Variants in ZNF157 observed in about 807,000 individuals in gnomAD.
ZNF157 encodes zinc finger protein 157.
A neutral mutation model predicts 9.4 loss-of-function variants in ZNF157; 8 were observed. The ratio of observed to expected loss-of-function variants is 0.85; its 90% CI spans 0.50 to 1.53. The LOEUF is 1.53. ZNF157 is among the 40% of genes most tolerant of loss of function. The pLI is 0.00. For missense variants in ZNF157, 316 were observed against 385.2 expected (o/e 0.82, Z 1.50); for synonymous variants, 120 against 130.8 (o/e 0.92, Z 0.56).
rs2055974284 is a variant in ZNF157, at chrX:47,413,620, C to T, written c.*26C>T. 2 of 1,164,370 alleles carry T rather than the reference C, an allele frequency of 1.7e-6. No individual in the cohort carries two copies. Among genetic ancestry groups the T allele is most frequent in the Non-Finnish European group, 2.3e-6 (2 of 873,424 alleles). On this transcript the variant is annotated 3_prime_UTR_variant, in exon 4 of 4. Coordinates refer to ENST00000377073, the MANE Select transcript of ZNF157 (RefSeq NM_003446.4). ...AGACTTCCCTCACCATTGGATCAAG[C>T]TCCTTGGGGGCATATGATCACCAGG...
At chrX:47,382,470 C>T (rs145364676) in intron 1 of ZNF157, among the ~76,000 whole-genome samples, 1,230 of 106,154 alleles carry the variant, frequency 0.012, 17 homozygotes, top group African/African-American at 0.04. Flanking sequence ...CCGCCCACCT[C>T]GGCCTCCCAA....
intron 1 of ZNF157, among the ~76,000 whole-genome samples, chrX:47,404,009 A>G (rs1442084511): frequency 3.6e-5 from 4 of 110,078 alleles, no homozygotes; most frequent in Admixed American, 2.9e-4. Context: ...GTCTCTACTA[A>G]AAATACAAAA....
At chrX:47,406,944 AT>A (rs1485272588) in intron 1 of ZNF157, among the ~76,000 whole-genome samples, 1 of 112,264 alleles carries the variant, frequency 8.9e-6, no homozygotes, top group East Asian at 2.8e-4. Flanking sequence ...TAGGGAAAGC[AT>A]TCAGTCTTTT....
At position 47,370,749 on chromosome X, in the gene ZNF157, G is replaced by A. The variant is rs781434883; in HGVS notation, c.72+9G>A. The A allele has an allele frequency of 8.5e-7, 1 of 1,174,984 alleles. No individual in the cohort carries two copies. Among genetic ancestry groups the A allele is most frequent in the East Asian group, 3.0e-5 (1 of 32,982 alleles). On this transcript the variant is annotated intron_variant, in intron 1 of 3. Coordinates refer to ENST00000377073, the MANE Select transcript of ZNF157 (RefSeq NM_003446.4). ...CTGGCAGATCTTTTGAGGTAAGGAG[G>A]AGGATCCTATTTTTTTCTATATGTT...
At chrX:47,383,684 G>GAA (rs11324804) in intron 1 of ZNF157, among the ~76,000 whole-genome samples, 143 of 41,220 alleles carry the variant, frequency 3.5e-3, no homozygotes, top group East Asian at 6.3e-3. Context: ...CTCTGTCTCA[G>GAA]AAAAAAAAAA....
At position 47,413,100 on chromosome X, in the gene ZNF157, A is replaced by G; in HGVS notation, c.1027A>G (p.Met343Val). ...ATGTGGGAAATTCTTCCGAATGAAGATGACTCTCAATAATCATCAAAGAAC... is the reference window on the plus strand; with the variant it reads ...ATGTGGGAAATTCTTCCGAATGAAGGTGACTCTCAATAATCATCAAAGAAC... The part of the protein sequence containing the change: ...GECGKFFRMK[M>V]TLNNHQRTHT... Residue 343 changes from methionine to valine, a missense_variant, in exon 4 of 4, where the codon ATG becomes GTG. Transcript: ENST00000377073. The G allele has an allele frequency of 2.5e-6, 3 of 1,210,812 alleles. No homozygotes were observed. The highest frequency in any genetic ancestry group is 3.4e-6 in the Non-Finnish European group (3 of 894,993).
intron 1 of ZNF157, 69 bp from the exon 2 acceptor site, chrX:47,410,207 T>C (rs769110370): frequency 6.8e-6 from 8 of 1,184,501 alleles, no homozygotes; most frequent in South Asian, 5.3e-5. Flanking sequence ...CAGGGCTCCA[T>C]TGAGAAGATT....
chrX:47,394,502 C>T (rs750104879), intron 1 of ZNF157, among the ~76,000 whole-genome samples: 5 of 111,840 alleles, frequency 4.5e-5, no homozygotes, highest in Non-Finnish European at 9.4e-5. Context: ...AAAACCAGGC[C>T]GCCCCTTCAA....
chrX:47,377,466 A>G (rs2055848122), intron 1 of ZNF157, among the ~76,000 whole-genome samples: 1 of 110,572 alleles, frequency 9.0e-6, no homozygotes, highest in Non-Finnish European at 1.9e-5. Context: ...TAATTAATTA[A>G]TTATTTTGAG....
rs760591828 is a variant in ZNF157 at position 47,413,013 on chromosome X, A to G, written c.940A>G (p.Lys314Glu). ...GGAGTGTGGGAAAAACTTCCGTGCA[A>G]AGAAATCCCTAAATCAGCATCAAAG... ...CGECGKNFRA[K>E]KSLNQHQRIH... Residue 314 changes from lysine to glutamate, a missense_variant, in exon 4 of 4, where the codon AAG (lysine) becomes GAG (glutamate). Lys to Glu is a moderately conservative substitution (Grantham distance 56, BLOSUM62 1). Coordinates refer to ENST00000377073, the MANE Select transcript of ZNF157 (RefSeq NM_003446.4). The G allele has an allele frequency of 3.3e-6, 4 of 1,210,559 alleles. No individual in the cohort carries two copies. The highest frequency in any genetic ancestry group is 4.5e-6 in the Non-Finnish European group (4 of 894,719).
At chrX:47,393,152 C>A (rs868446230) in intron 1 of ZNF157, among the ~76,000 whole-genome samples, 16 of 95,835 alleles carry the variant, frequency 1.7e-4, no homozygotes, top group Non-Finnish European at 1.7e-4. Context: ...GAGACTGTCT[C>A]AAAAAAAAAA....
intron 1 of ZNF157, among the ~76,000 whole-genome samples, chrX:47,393,740 G>A (rs68099815): frequency 2.3e-4 from 4 of 17,291 alleles, no homozygotes; most frequent in East Asian, 1.8e-3. Context: ...ACCCTCCCCC[G>A]CCCTTTTTTT....
intron 1 of ZNF157, among the ~76,000 whole-genome samples, chrX:47,398,975 A>G (rs781768643): frequency 5.2e-4 from 57 of 108,816 alleles, no homozygotes; most frequent in Middle Eastern, 4.7e-3. Flanking sequence ...CCTGGCCTGT[A>G]TTTTTTAGTA....
chrX:47,373,783 C>G (rs1294083090), intron 1 of ZNF157, among the ~76,000 whole-genome samples: 2 of 107,145 alleles, frequency 1.9e-5, no homozygotes, highest in Non-Finnish European at 3.8e-5. Flanking sequence ...TTACTGCAGC[C>G]TCAGCCTCCC....
intron 3 of ZNF157, among the ~76,000 whole-genome samples, chrX:47,411,278 C>T (rs191326031): frequency 1.1e-3 from 119 of 111,050 alleles, no homozygotes; most frequent in Admixed American, 2.2e-3. Context: ...TGTGAGCCAC[C>T]GCACCTAGCC....
At position 47,413,467 on chromosome X, in the gene ZNF157, C is replaced by T. The variant is rs1569261796; in HGVS notation, c.1394C>T (p.Thr465Ile). Reference protein sequence around the residue: ...VRLIEHQRIHTGERPFECQEC... With the variant: ...VRLIEHQRIHIGERPFECQEC... Reference sequence around the variant, plus strand: ...CTCATTGAACATCAGCGAATTCACACAGGAGAGAGACCCTTTGAGTGTCAA... The same window carrying T: ...CTCATTGAACATCAGCGAATTCACATAGGAGAGAGACCCTTTGAGTGTCAA... The change falls in exon 4 of 4, where the codon ACA becomes ATA. Residue 465 changes from threonine (T) to isoleucine (I), a missense_variant. By Grantham distance (89) the Thr-to-Ile change is moderately conservative. Transcript: ENST00000377073. 1.7e-6 allele frequency: 2 copies of T among 1,212,050 alleles called. No homozygotes were observed. The highest frequency in any genetic ancestry group is 3.5e-5 in the African/African-American group (2 of 57,874).
chrX:47,382,750 G>C (rs751833092), intron 1 of ZNF157, among the ~76,000 whole-genome samples: 3 of 109,759 alleles, frequency 2.7e-5, no homozygotes, highest in South Asian at 3.9e-4. Flanking sequence ...GCCAAGAGGA[G>C]CACCCCTGAT....
At chrX:47,380,884 C>CAGG in intron 1 of ZNF157, among the ~76,000 whole-genome samples, 1 of 49,629 alleles carries the variant, frequency 2.0e-5, no homozygotes, top group African/African-American at 8.3e-5. Flanking sequence ...GAAGGAGGAG[C>CAGG]AGGAGGAGGA....
At chrX:47,383,475 C>T (rs1278350982) in intron 1 of ZNF157, among the ~76,000 whole-genome samples, 1 of 102,091 alleles carries the variant, frequency 9.8e-6, no homozygotes, top group Non-Finnish European at 2.0e-5. Flanking sequence ...ACAGGTGGAT[C>T]GTTTGAGCCC....
Sources: gnomAD v4.1 joint callset for allele counts (sites outside exome capture counted in the v4.1 genomes callset) on GRCh38, gnomAD v4.1.1 for gene constraint, MANE v1.5 for transcripts, NCBI Gene and HGNC (gene_info 2026-07-23, HGNC 2026-07-21) for gene names.